Variants in LRP1B observed in about 807,000 individuals in gnomAD.
The protein encoded by LRP1B is low-density lipoprotein receptor-related protein 1B.
LRP1B carries 217 observed loss-of-function variants against 556.6 expected under a neutral mutation model. The ratio of observed to expected loss-of-function variants is 0.39; its 90% CI spans 0.35 to 0.44. LRP1B has a LOEUF of 0.44. Ranked by LOEUF, LRP1B falls within the 20% of genes least tolerant of loss-of-function variation. The pLI is 1.00. For missense variants in LRP1B, 5,053 were observed against 5,620.8 expected, an observed-to-expected ratio of 0.90 and a Z score of 3.23; for synonymous variants, 2,047 against 1,865.8, an observed-to-expected ratio of 1.10 and a Z score of -2.50.
intron 1 of LRP1B, among the ~76,000 whole-genome samples, chr2:142,088,777 C>A (rs1706045957): frequency 6.6e-6 from 1 of 151,834 alleles, no homozygotes; most frequent in South Asian, 2.1e-4. Flanking sequence ...AGATCGAGAC[C>A]ATCCTGGCTA....
rs192074666 is a variant in LRP1B at position 140,678,880 on chromosome 2, C to T, written c.6799+21370G>A. On this transcript the variant is annotated intron_variant, in intron 41 of 90. Coordinates refer to ENST00000389484, the MANE Select transcript of LRP1B (RefSeq NM_018557.3). ...GCAACCTCCGCCTCCCATGTTCAAG[C>T]GATTCACCTGCCTCAGCCTCCTGAG... is the stretch of plus-strand genomic sequence containing the variant. Among the ~76,000 whole-genome samples, 866 of 151,700 alleles carry T rather than the reference C, an allele frequency of 5.7e-3. 5 individuals carry two copies. Among genetic ancestry groups the T allele is most frequent in the Non-Finnish European group, 8.2e-3 (557 of 67,952 alleles).
rs565793578 is a variant in LRP1B, at chr2:140,303,143, C to T, written c.12806-5174G>A. Among the ~76,000 whole-genome samples the T allele has an allele frequency of 6.8e-5, 10 of 147,018 alleles. No individual in the cohort carries two copies. The East Asian group carries it at 1.8e-3, about 26-fold the overall frequency. On this transcript the variant is annotated intron_variant, in intron 83 of 90. Transcript: ENST00000389484. ...ATAAATGGAGATTAGTTTATTTATA[C>T]AATTTTTCTTCATAGATAGAAATTC...
chr2:141,421,971 A>G (rs1680160233), intron 3 of LRP1B, among the ~76,000 whole-genome samples: 1 of 152,178 alleles, frequency 6.6e-6, no homozygotes, highest in South Asian at 2.1e-4. Context: ...AGAATGTAAC[A>G]TTTCTGAAGA....
chr2:140,325,386 CT>C (rs1408094351), intron 80 of LRP1B, among the ~76,000 whole-genome samples: 1 of 152,052 alleles, frequency 6.6e-6, no homozygotes, highest in African/African-American at 2.4e-5. Context: ...TGATATTTTG[CT>C]ACATACAGTA....
At chr2:140,323,035 T>G (rs1243484346) in intron 81 of LRP1B, among the ~76,000 whole-genome samples, 1 of 152,020 alleles carries the variant, frequency 6.6e-6, no homozygotes, top group Non-Finnish European at 1.5e-5. Flanking sequence ...GAAACTCTAT[T>G]TGGTTTTATC....
intron 2 of LRP1B, among the ~76,000 whole-genome samples, chr2:141,711,196 T>A (rs1473089987): frequency 6.6e-6 from 1 of 152,114 alleles, no homozygotes; most frequent in Non-Finnish European, 1.5e-5. Context: ...TTATGGGTGG[T>A]CCCTGGTACC....
intron 3 of LRP1B, among the ~76,000 whole-genome samples, chr2:141,348,194 G>A (rs567680031): frequency 6.6e-6 from 1 of 152,090 alleles, no homozygotes; most frequent in South Asian, 2.1e-4. Context: ...GTGGGTAAAA[G>A]GGAAATTTAG....
chr2:141,584,401 T>A (rs1252488111), intron 2 of LRP1B, among the ~76,000 whole-genome samples: 2 of 152,086 alleles, frequency 1.3e-5, no homozygotes, highest in Non-Finnish European at 2.9e-5. Flanking sequence ...TGGTAAGAGA[T>A]CCAATTGTGG....
intron 29 of LRP1B, among the ~76,000 whole-genome samples, chr2:140,842,154 G>A (rs902985143): frequency 6.6e-6 from 1 of 152,120 alleles, no homozygotes. Flanking sequence ...TAGTCGAATT[G>A]CTATAACTTC....
chr2:140,901,834 A>G (rs1183865073), intron 23 of LRP1B, among the ~76,000 whole-genome samples: 1 of 152,110 alleles, frequency 6.6e-6, no homozygotes, highest in African/African-American at 2.4e-5. Flanking sequence ...TTTAATTCCT[A>G]TTCTAATTCC....
chr2:142,108,164 T>C (rs1307335287), intron 1 of LRP1B, among the ~76,000 whole-genome samples: 1 of 151,566 alleles, frequency 6.6e-6, no homozygotes, highest in Non-Finnish European at 1.5e-5. Flanking sequence ...ATATAATATA[T>C]GAGATGACTC....
At chr2:141,165,335 C>T (rs564236874) in intron 7 of LRP1B, among the ~76,000 whole-genome samples, 81 of 40,818 alleles carry the variant, frequency 2.0e-3, no homozygotes, top group Admixed American at 6.5e-3. Context: ...TACCAACTGT[C>T]TTATTTTTGT....
At chr2:141,717,905 C>A (rs184257586) in intron 2 of LRP1B, among the ~76,000 whole-genome samples, 6 of 152,318 alleles carry the variant, frequency 3.9e-5, no homozygotes, top group Admixed American at 3.9e-4. Flanking sequence ...CATTAAACAA[C>A]TATCCAAGTG....
At chr2:141,374,718 A>C in intron 3 of LRP1B, among the ~76,000 whole-genome samples, 1 of 152,050 alleles carries the variant, frequency 6.6e-6, no homozygotes, top group East Asian at 1.9e-4. Context: ...TAGTCCCATA[A>C]TTTTTAAAGC....
At chr2:140,513,696 G>A (rs138970911) in intron 51 of LRP1B, among the ~76,000 whole-genome samples, 97 of 151,760 alleles carry the variant, frequency 6.4e-4, no homozygotes, top group African/African-American at 1.7e-3. Context: ...AAAAAATACC[G>A]CCTTTCTCTA....
chr2:141,788,497 A>C (rs559814165), intron 2 of LRP1B, among the ~76,000 whole-genome samples: 5 of 152,058 alleles, frequency 3.3e-5, no homozygotes, highest in African/African-American at 1.2e-4. Context: ...GTTGCTCCTA[A>C]TTGTACTATT....
intron 21 of LRP1B, among the ~76,000 whole-genome samples, chr2:140,915,593 A>G (rs1334503015): frequency 1.3e-5 from 2 of 151,820 alleles, no homozygotes; most frequent in Non-Finnish European, 2.9e-5. Flanking sequence ...TGGAGGTTGC[A>G]GTGAGCTGAG....
At chr2:140,260,323 ATGT>A (rs1018886449) in intron 86 of LRP1B, among the ~76,000 whole-genome samples, 13 of 151,896 alleles carry the variant, frequency 8.6e-5, no homozygotes, top group African/African-American at 3.1e-4. Flanking sequence ...TAATTTTAAA[ATGT>A]TGTATTTTCT....
chr2:141,931,592 C>A (rs1164008258), intron 1 of LRP1B, among the ~76,000 whole-genome samples: 1 of 151,864 alleles, frequency 6.6e-6, no homozygotes, highest in Admixed American at 6.6e-5. Context: ...TTTAAATTTT[C>A]TATGGCTAAA....
Sources: gnomAD v4.1 joint callset for allele counts (sites outside exome capture counted in the v4.1 genomes callset) on GRCh38, gnomAD v4.1.1 for gene constraint, MANE v1.5 for transcripts, NCBI Gene and HGNC (gene_info 2026-07-23, HGNC 2026-07-21) for gene names.